Variants in PHACTR1 observed in about 807,000 individuals in gnomAD.
The protein encoded by PHACTR1 is RPEL repeat containing 1.
In PHACTR1, 16 loss-of-function variants were observed where a neutral mutation model predicts 69.2. The ratio of observed to expected loss-of-function variants is 0.23; its 90% confidence interval spans 0.16 to 0.35. The LOEUF (loss-of-function observed/expected upper bound fraction) is 0.35. Ranked by LOEUF, PHACTR1 falls within the 10% of genes least tolerant of loss-of-function variation. PHACTR1 has a pLI of 1.00. For missense variants in PHACTR1, 510 were observed against 734.7 expected, an observed-to-expected ratio of 0.69 and a Z score of 3.54; for synonymous variants, 312 against 284.5, an observed-to-expected ratio of 1.10 and a Z score of -0.97.
At chr6:12,958,351 A>G (rs575926124) in intron 4 of PHACTR1, among the ~76,000 whole-genome samples, 1 of 152,234 alleles carries the variant, frequency 6.6e-6, no homozygotes, top group Admixed American at 6.5e-5. Flanking sequence ...GGCAGCTCTT[A>G]GGAACCTCAG....
At chr6:13,159,278 A>C (rs1306072003) in intron 5 of PHACTR1, among the ~76,000 whole-genome samples, 1 of 152,210 alleles carries the variant, frequency 6.6e-6, no homozygotes, top group Non-Finnish European at 1.5e-5. Context: ...TAAGAGAAGA[A>C]GGCAGTGGAG....
chr6:13,111,705 G>A (rs530229545), intron 5 of PHACTR1, among the ~76,000 whole-genome samples: 9 of 152,220 alleles, frequency 5.9e-5, no homozygotes, highest in African/African-American at 2.2e-4. Context: ...AATAATGCGT[G>A]TTCACATCGC....
At position 13,113,997 on chromosome 6, in the gene PHACTR1, G is replaced by A. The variant is rs546012910; in HGVS notation, c.416-46207G>A. 2.8e-4 allele frequency among the ~76,000 whole-genome samples: 43 copies of A among 152,184 alleles called. No individual in the cohort carries two copies. The East Asian group carries it at 7.5e-3, about 27-fold the overall frequency. ...ATAAAATGCTAAGAAAATCCAAAAA[G>A]AAAACATAAAGGTCTGCAAAAATAT... On this transcript the variant is annotated intron_variant, in intron 5 of 14. Coordinates refer to ENST00000332995, the MANE Select transcript of PHACTR1 (RefSeq NM_030948.6).
Position 13,266,488 on chromosome 6 carries a change from T to A in PHACTR1, c.1392-6372T>A, listed in dbSNP as rs917304658. The A allele has an allele frequency of 3.3e-5, 5 of 152,168 alleles. No individual in the cohort carries two copies. The South Asian group carries it at 1.0e-3, about 31-fold the overall frequency. 9.4% of individuals were successfully genotyped at this position (152,168 alleles called of 1,614,324 possible). A position where few individuals can be genotyped will look rare whatever the true frequency, so the allele number is the denominator to read the frequency against. On this transcript the variant is annotated intron_variant, in intron 10 of 14. Transcript: ENST00000332995. The stretch of plus-strand genomic sequence containing the variant: ...AGAAGATCTAAGTCCCGGAAGCATC[T>A]GTATTAGGCCATTCCCACACTGCTG...
At chr6:13,177,887 C>T (rs1278188599) in intron 6 of PHACTR1, among the ~76,000 whole-genome samples, 2 of 152,158 alleles carry the variant, frequency 1.3e-5, no homozygotes, top group African/African-American at 2.4e-5. Flanking sequence ...AGGTCATTGT[C>T]GGGGGTTGGA....
At chr6:12,836,123 G>A (rs1308266067) in intron 4 of PHACTR1, among the ~76,000 whole-genome samples, 1 of 152,052 alleles carries the variant, frequency 6.6e-6, no homozygotes, top group African/African-American at 2.4e-5. Context: ...AGCTTGAATT[G>A]CTTTCTGTAA....
intron 4 of PHACTR1, among the ~76,000 whole-genome samples, chr6:12,805,593 CTCTTTCTT>C (rs888503949): frequency 3.5e-4 from 53 of 150,084 alleles, no homozygotes; most frequent in Admixed American, 1.2e-3. Context: ...CTCTCTGTCT[CTCTTTCTT>C]TCTTTCTTTC....
intron 4 of PHACTR1, among the ~76,000 whole-genome samples, chr6:12,991,887 A>C (rs1796860962): frequency 1.3e-5 from 2 of 152,276 alleles, no homozygotes; most frequent in South Asian, 4.2e-4. Context: ...CAAATTTCCA[A>C]TCAGAATACA....
intron 4 of PHACTR1, among the ~76,000 whole-genome samples, chr6:12,793,214 G>A (rs1033472182): frequency 3.9e-5 from 6 of 152,204 alleles, no homozygotes; most frequent in South Asian, 2.1e-4. Flanking sequence ...AATGTCGAGT[G>A]TTTCCCTTAT....
intron 4 of PHACTR1, among the ~76,000 whole-genome samples, chr6:12,912,231 C>A (rs1019598576): frequency 2.2e-4 from 33 of 152,178 alleles, no homozygotes; most frequent in Admixed American, 1.4e-3. Flanking sequence ...AACTCCTGAC[C>A]TCAGGTGATC....
At chr6:12,831,112 GAAAAT>G (rs1777530294) in intron 4 of PHACTR1, among the ~76,000 whole-genome samples, 2 of 152,096 alleles carry the variant, frequency 1.3e-5, no homozygotes, top group South Asian at 4.1e-4. Context: ...TCTAGAAAAA[GAAAAT>G]AAAGATGAAA....
At chr6:12,986,953 T>A (rs1392940426) in intron 4 of PHACTR1, among the ~76,000 whole-genome samples, 3 of 151,978 alleles carry the variant, frequency 2.0e-5, no homozygotes, top group African/African-American at 7.3e-5. Flanking sequence ...TACCTCAGAG[T>A]GGTTGATTTG....
At position 13,219,159 on chromosome 6, in the gene PHACTR1, G is replaced by A. The variant is rs1270162696; in HGVS notation, c.987-8657G>A. On this transcript the variant is annotated intron_variant, in intron 8 of 14. Coordinates refer to ENST00000332995, the MANE Select transcript of PHACTR1 (RefSeq NM_030948.6). The stretch of plus-strand genomic sequence containing the variant: ...TAAATGTGTGCCTTTTATTGACTCG[G>A]GACTGCCATTTTCCTCTCAAGCTTT... 2.0e-5 allele frequency among the ~76,000 whole-genome samples: 3 copies of A among 152,112 alleles called. 1 individual carries two copies. In the East Asian group the frequency reaches 5.8e-4, roughly 29 times the overall value.
chr6:13,184,261 G>A (rs1034896882), intron 7 of PHACTR1, among the ~76,000 whole-genome samples: 38 of 152,128 alleles, frequency 2.5e-4, no homozygotes, highest in African/African-American at 7.7e-4. Flanking sequence ...ACCCAGTGTC[G>A]CAGATTTGAG....
intron 5 of PHACTR1, among the ~76,000 whole-genome samples, chr6:13,106,212 T>C (rs1370810441): frequency 6.6e-6 from 1 of 152,236 alleles, no homozygotes; most frequent in Non-Finnish European, 1.5e-5. Flanking sequence ...ATATTCTATA[T>C]AAACAATCAT....
chr6:13,118,471 A>ATTTTTTTTTTTTTTTTTTTTTTTTT, intron 5 of PHACTR1, among the ~76,000 whole-genome samples: 1 of 72,812 alleles, frequency 1.4e-5, no homozygotes, highest in Non-Finnish European at 2.6e-5. Context: ...AACCAGGGCC[A>ATTTTTTTTTTTTTTTTTTTTTTTTT]TTTTTTTTTT....
intron 6 of PHACTR1, among the ~76,000 whole-genome samples, chr6:13,163,944 G>T (rs1445706188): frequency 6.6e-6 from 1 of 151,800 alleles, no homozygotes. Context: ...CATCATCATT[G>T]TCCTTTATAT....
chr6:12,819,570 T>A lies in PHACTR1; in HGVS notation c.250+69780T>A, dbSNP rs1775975693. Reference sequence around the variant, plus strand: ...AAAAACAACTTCACTGTGTCTCGATTTTTTCTGCCATAAAATGGAAATATG... The same window carrying A: ...AAAAACAACTTCACTGTGTCTCGATATTTTCTGCCATAAAATGGAAATATG... On this transcript the variant is annotated intron_variant, in intron 4 of 14. Coordinates refer to ENST00000332995, the MANE Select transcript of PHACTR1 (RefSeq NM_030948.6). Among the ~76,000 whole-genome samples, 3 of 152,178 alleles carry A rather than the reference T, an allele frequency of 2.0e-5. No individual in the cohort carries two copies. In the South Asian group the frequency reaches 6.2e-4, roughly 32 times the overall value.
In PHACTR1 at chr6:12,766,398, T is replaced by C. The variant is rs376687336; in HGVS notation, c.250+16608T>C. Among the ~76,000 whole-genome samples the C allele has an allele frequency of 4.3e-4, 66 of 152,246 alleles. No individual in the cohort carries two copies. In the South Asian group the frequency reaches 0.013, roughly 31 times the overall value. On this transcript the variant is annotated intron_variant, in intron 4 of 14. Coordinates refer to ENST00000332995, the MANE Select transcript of PHACTR1 (RefSeq NM_030948.6). ...GTGAGGAAATTGTGTCCTACAGAAC[T>C]CTGAGGTCCATAAGAAGAGAAAAAC...
Sources: gnomAD v4.1 joint callset for allele counts (sites outside exome capture counted in the v4.1 genomes callset) on GRCh38, gnomAD v4.1.1 for gene constraint, MANE v1.5 for transcripts, NCBI Gene and HGNC (gene_info 2026-07-23, HGNC 2026-07-21) for gene names.